Variants in OGA observed in about 807,000 individuals in gnomAD.
OGA encodes protein O-GlcNAcase.
Under a neutral mutation model 102.0 loss-of-function variants are expected in OGA, and 21 were observed. That is an observed-to-expected ratio of 0.21 (90% CI 0.15 to 0.30). The LOEUF (loss-of-function observed/expected upper bound fraction) is 0.30, where lower values mean the gene tolerates loss of function less well. Ranked by LOEUF, OGA falls within the 10% of genes least tolerant of loss-of-function variation. The pLI is 1.00. For synonymous variants in OGA, 408 were observed against 378.2 expected (o/e 1.08, Z -0.91); for missense variants, 765 against 1,107.8 (o/e 0.69, Z 4.39).
chr10:101,808,858 TACTC>T (rs2065510164), intron 4 of OGA, among the ~76,000 whole-genome samples: 1 of 151,978 alleles, frequency 6.6e-6, no homozygotes, highest in African/African-American at 2.4e-5. Context: ...TAATCCCCGT[TACTC>T]AGGAGGCTGA....
chr10:101,807,682 A>G, intron 5 of OGA, 48 bp downstream of exon 5: 3 of 1,303,480 alleles, frequency 2.3e-6, no homozygotes, highest in Non-Finnish European at 3.1e-6. Context: ...TTTATAAGTT[A>G]TATATTCCAA....
chr10:101,786,833 T>A (rs368679917), intron 15 of OGA, among the ~76,000 whole-genome samples: 6 of 152,256 alleles, frequency 3.9e-5, no homozygotes, highest in African/African-American at 1.4e-4. Context: ...AGTGGCAAGA[T>A]CACGGCTCAC....
In OGA at chr10:101,817,743, T is replaced by A. The variant is rs924870308; in HGVS notation, c.199+81A>T. ...CCAGAGGCTTTCCGGCCTTTTAGAGTCTCCAAAATCCCCGCCACCACCCTC... is the reference window on the plus strand; with the variant it reads ...CCAGAGGCTTTCCGGCCTTTTAGAGACTCCAAAATCCCCGCCACCACCCTC... On this transcript the variant is annotated intron_variant, in intron 1 of 15. Transcript: ENST00000361464. The A allele has an allele frequency of 2.1e-6, 3 of 1,457,016 alleles. No individual in the cohort carries two copies. In the African/African-American group the frequency reaches 4.2e-5, roughly 21 times the overall value. The allele number at this position is 1,457,016 out of a possible 1,614,324, so 90.3% of individuals were successfully genotyped here.
At position 101,797,998 on chromosome 10, in the gene OGA, A is replaced by T; in HGVS notation, c.1966T>A (p.Ser656Thr). 6.2e-7 allele frequency: 1 copy of T among 1,613,462 alleles called. No homozygotes were observed. The highest frequency in any genetic ancestry group is 8.5e-7 in the Non-Finnish European group (1 of 1,179,758). The change falls in exon 10 of 16, where the codon TCT becomes ACT. Residue 656 changes from serine to threonine, a missense_variant. This residue lies in a region of OGA where 10 missense variants were observed against 47.8 expected (regional missense o/e 0.21). Coordinates refer to ENST00000361464, the MANE Select transcript of OGA (RefSeq NM_012215.5). Reference sequence around the variant, plus strand: ...CACCTACCTAACCACTGTACAAAAGACTTCACCATAGACATTATACTCTTG... The same window carrying T: ...CACCTACCTAACCACTGTACAAAAGTCTTCACCATAGACATTATACTCTTG... ...DIKSIMSMVK[S>T]FVQWLGCRSH... is the part of the protein sequence containing the mutation.
intron 12 of OGA, 61 bp downstream of exon 12, chr10:101,792,778 G>C: frequency 8.3e-7 from 1 of 1,200,286 alleles, no homozygotes; most frequent in Non-Finnish European, 1.2e-6. Flanking sequence ...TGAGTTAAAA[G>C]GTTAAGTTTT....
chr10:101,798,679 T>C (rs541985268), intron 9 of OGA, among the ~76,000 whole-genome samples, 163 bp downstream of exon 9: 1 of 152,170 alleles, frequency 6.6e-6, no homozygotes, highest in East Asian at 1.9e-4. Context: ...CTCCCAAAGT[T>C]CTGGGACTAC....
At chr10:101,797,622 G>A in intron 10 of OGA, 1 of 417,404 alleles carries the variant, frequency 2.4e-6, no homozygotes, top group Non-Finnish European at 4.3e-6. Context: ...ACAGCAAGCA[G>A]CAGAAAGCTT....
intron 9 of OGA, 124 bp downstream of exon 9, chr10:101,798,718 G>A (rs2065351326): frequency 7.9e-7 from 1 of 1,265,654 alleles, no homozygotes; most frequent in Non-Finnish European, 1.1e-6. Flanking sequence ...CCGGCCTAAA[G>A]AACATATTCT....
At chr10:101,816,922 C>A (rs542539383) in intron 1 of OGA, among the ~76,000 whole-genome samples, 18 of 152,076 alleles carry the variant, frequency 1.2e-4, no homozygotes, top group Non-Finnish European at 2.2e-4. Context: ...CCATTACATA[C>A]GAGAGAGATA....
intron 2 of OGA, 22 bp from the exon 3 acceptor site, chr10:101,813,149 A>C: frequency 6.7e-7 from 1 of 1,501,542 alleles, no homozygotes; most frequent in East Asian, 2.3e-5. Context: ...AGAAAATTAC[A>C]TATGTATAAA....
In OGA at chr10:101,790,769, T is replaced by C. The variant is rs2065252283; in HGVS notation, c.2454+127A>G. On this transcript the variant is annotated intron_variant, in intron 14 of 15. Transcript: ENST00000361464. ...AATTCTTTCTGCAAGAAAATTAATTTAGAAAGCACTAAGATTTTATGATGT... is the reference window on the plus strand; with the variant it reads ...AATTCTTTCTGCAAGAAAATTAATTCAGAAAGCACTAAGATTTTATGATGT... The C allele has an allele frequency of 1.4e-5, 9 of 641,144 alleles. No homozygotes were observed. In the East Asian group the frequency reaches 3.0e-4, roughly 22 times the overall value. 39.7% of individuals were successfully genotyped at this position (641,144 alleles called of 1,614,324 possible).
chr10:101,811,025 G>A (rs1414343323), intron 3 of OGA, among the ~76,000 whole-genome samples: 1 of 151,630 alleles, frequency 6.6e-6, no homozygotes, highest in Non-Finnish European at 1.5e-5. Context: ...TCTCTGAACA[G>A]CTGGAATTCC....
chr10:101,799,217 C>A lies in OGA; in HGVS notation c.1434G>T (p.Lys478Asn). The change falls in exon 9 of 16, where the codon AAG becomes AAT. Residue 478 changes from lysine to asparagine, a missense_variant. Transcript: ENST00000361464. ...TTTCACTCAGTATTTGATTGTCATT[C>A]TTGTGGTCCGTTTCTTCTTGTTTTT... ...VVEKQEETDH[K>N]NDNQILSEIV... is the part of the protein sequence containing the mutation. 6.2e-7 allele frequency: 1 copy of A among 1,614,214 alleles called. No homozygotes were observed. The highest frequency in any genetic ancestry group is 8.5e-7 in the Non-Finnish European group (1 of 1,180,032).
chr10:101,784,989 G>A lies in OGA; in HGVS notation c.*1462C>T, dbSNP rs2065177868. ...GGTTGGAAGTCACTAGGTACCACTA[G>A]GTACAATGCTTTAGGGCTCTCTCAA... On this transcript the variant is annotated 3_prime_UTR_variant, in exon 16 of 16. Coordinates refer to ENST00000361464, the MANE Select transcript of OGA (RefSeq NM_012215.5). 6.6e-6 allele frequency: 1 copy of A among 152,158 alleles called. No homozygotes were observed. The highest frequency in any genetic ancestry group is 2.1e-4 in the South Asian group (1 of 4,822). 9.4% of individuals were successfully genotyped at this position (152,158 alleles called of 1,614,324 possible). A position where few individuals can be genotyped will look rare whatever the true frequency, so the allele number is the denominator to read the frequency against.
intron 14 of OGA, among the ~76,000 whole-genome samples, chr10:101,789,227 G>A (rs777253373): frequency 3.9e-5 from 6 of 152,246 alleles, no homozygotes; most frequent in Non-Finnish European, 7.4e-5. Context: ...GGCCAGGCGC[G>A]GTGGCTCACG....
chr10:101,802,729 C>G (rs143269749), intron 7 of OGA, among the ~76,000 whole-genome samples: 7 of 151,834 alleles, frequency 4.6e-5, no homozygotes, highest in African/African-American at 1.7e-4. Context: ...GAACATGCAT[C>G]TGCCCCATGA....
At chr10:101,805,967 A>G in intron 6 of OGA, 78 bp downstream of exon 6, 4 of 992,516 alleles carry the variant, frequency 4.0e-6, no homozygotes, top group Non-Finnish European at 6.3e-6. Flanking sequence ...AAAAAAAAGT[A>G]TTCAATTAAC....
At position 101,787,537 on chromosome 10, in the gene OGA, A is replaced by C. The variant is rs1235481956; in HGVS notation, c.2455-14T>G. ...CAACATTATTTTCTGGAAAAATTAG[A>C]ATCTCTTGACTTTCACAATAGTTAC... On this transcript the variant is annotated splice_polypyrimidine_tract_variant and intron_variant, in intron 14 of 15. Coordinates refer to ENST00000361464, the MANE Select transcript of OGA (RefSeq NM_012215.5). 5.6e-6 allele frequency: 9 copies of C among 1,600,490 alleles called. No individual in the cohort carries two copies. The Admixed American group carries it at 1.2e-4, about 21-fold the overall frequency.
intron 1 of OGA, 86 bp downstream of exon 1, chr10:101,817,738 T>C (rs2065657015): frequency 1.4e-6 from 2 of 1,449,534 alleles, no homozygotes; most frequent in East Asian, 2.5e-5. Flanking sequence ...TCCGGCCTTT[T>C]AGAGTCTCCA....
Sources: allele counts gnomAD v4.1 joint callset (sites outside exome capture counted in the v4.1 genomes callset), GRCh38; gene constraint gnomAD v4.1.1; regional missense constraint gnomAD v4.1.1; transcripts MANE v1.5; gene names NCBI Gene and HGNC (gene_info 2026-07-23, HGNC 2026-07-21).